TMEM19: variants seen among roughly 807,000 people sequenced by gnomAD.
The protein encoded by TMEM19 is transmembrane protein 19.
TMEM19 carries 21 observed loss-of-function variants against 33.6 expected under a neutral mutation model. The ratio of observed to expected loss-of-function variants is 0.62; its 90% CI spans 0.44 to 0.90. The LOEUF is 0.90. Ranked by LOEUF, TMEM19 falls within the 40% of genes least tolerant of loss-of-function variation. The probability of loss-of-function intolerance (pLI) is 0.00; values close to 1 mark genes in which losing one functional copy is unlikely to be tolerated. For synonymous variants in TMEM19, 149 were observed against 147.5 expected (o/e 1.01, Z -0.07); for missense variants, 402 against 401.8 (o/e 1.00, Z 0.00).
rs370264184 is a variant in TMEM19, at chr12:71,696,397, A to G, written c.245-39A>G. ...TCTTTTTTCACAGCATTGATGTATG[A>G]ATTGAATATAATTCTGTGTTTATAT... On this transcript the variant is annotated intron_variant, in intron 2 of 5. Transcript: ENST00000266673. 5.4e-6 allele frequency: 8 copies of G among 1,479,686 alleles called. No individual in the cohort carries two copies. The African/African-American group carries it at 9.9e-5, about 18-fold the overall frequency. The allele number at this position is 1,479,686 out of a possible 1,614,324, so 91.7% of individuals were successfully genotyped here. A position where few individuals can be genotyped will look rare whatever the true frequency, so the allele number is the denominator to read the frequency against.
chr12:71,694,886 C>T (rs527545588), intron 2 of TMEM19, among the ~76,000 whole-genome samples: 1 of 152,290 alleles, frequency 6.6e-6, no homozygotes, highest in African/African-American at 2.4e-5. Context: ...ACCCAGGTCA[C>T]CCTGGTTGGA....
chr12:71,689,218 A>C (rs1881742935), intron 1 of TMEM19, among the ~76,000 whole-genome samples: 1 of 152,190 alleles, frequency 6.6e-6, no homozygotes. Flanking sequence ...TTTTTACTCT[A>C]CTTTTTCTAT....
At chr12:71,691,937 C>T (rs1314473398) in intron 2 of TMEM19, among the ~76,000 whole-genome samples, 1 of 152,176 alleles carries the variant, frequency 6.6e-6, no homozygotes, top group African/African-American at 2.4e-5. Flanking sequence ...CCTTGGACAT[C>T]TGCTCCTCTC....
Position 71,701,194 on chromosome 12 carries a change from C to A in TMEM19, c.*199C>A. On this transcript the variant is annotated 3_prime_UTR_variant, in exon 6 of 6. Transcript: ENST00000266673. The stretch of plus-strand genomic sequence containing the variant: ...GTCTTTCTAGTGAAAGAGAAGAATT[C>A]CTAGAACTTATGCATTTTTTTCCTG... 2.2e-6 allele frequency: 1 copy of A among 460,810 alleles called. No homozygotes were observed. Among genetic ancestry groups the A allele is most frequent in the Non-Finnish European group, 3.7e-6 (1 of 272,418 alleles). 28.5% of individuals were successfully genotyped at this position (460,810 alleles called of 1,614,324 possible).
intron 4 of TMEM19, among the ~76,000 whole-genome samples, chr12:71,697,984 T>C (rs1449417919): frequency 1.3e-5 from 2 of 152,212 alleles, no homozygotes; most frequent in Non-Finnish European, 2.9e-5. Context: ...GACATGATGC[T>C]CACAGGAAAT....
At chr12:71,695,280 A>G (rs1327286044) in intron 2 of TMEM19, among the ~76,000 whole-genome samples, 1 of 152,192 alleles carries the variant, frequency 6.6e-6, no homozygotes, top group Non-Finnish European at 1.5e-5. Context: ...TAATTGCTTC[A>G]TGTGGTATTT....
In TMEM19 at chr12:71,689,595, C is replaced by T; in HGVS notation, c.135C>T (p.Asn45=). 6.2e-7 allele frequency: 1 copy of T among 1,613,902 alleles called. No individual in the cohort carries two copies. The highest frequency in any genetic ancestry group is 1.3e-5 in the African/African-American group (1 of 75,038). ...ISMTASTYYG[N]LRPISPWRWL... ...TCCACCTTTATAATTTTTCAGGTAA[C>T]TTACGACCTATTTCTCCGTGGCGTT... The change falls in exon 2 of 6, where the codon AAC becomes AAT. Residue 45 remains asparagine, a synonymous_variant. Transcript: ENST00000266673.
At chr12:71,689,431 A>G (rs750631386) in intron 1 of TMEM19, among the ~76,000 whole-genome samples, 160 bp from the exon 2 acceptor site, 3 of 152,140 alleles carry the variant, frequency 2.0e-5, no homozygotes, top group Non-Finnish European at 4.4e-5. Context: ...ACATATCCCT[A>G]TCTTTAAGTG....
At chr12:71,699,147 G>A in intron 5 of TMEM19, 38 bp downstream of exon 5, 1 of 1,604,004 alleles carries the variant, frequency 6.2e-7, no homozygotes, top group Non-Finnish European at 8.5e-7. Context: ...TTATTGGTAT[G>A]TTAAAGAAAT....
intron 3 of TMEM19, among the ~76,000 whole-genome samples, 160 bp downstream of exon 3, chr12:71,696,733 G>A (rs1191830629): frequency 1.3e-5 from 2 of 150,890 alleles, no homozygotes; most frequent in African/African-American, 4.9e-5. Flanking sequence ...TGTAAGCTCC[G>A]CCTCCCGGGT....
intron 5 of TMEM19, chr12:71,699,992 A>G (rs1352704653): frequency 2.0e-5 from 3 of 152,232 alleles, no homozygotes; most frequent in East Asian, 1.9e-4. Context: ...CTCATCAACC[A>G]TGTTTCTCCT....
At position 71,686,299 on chromosome 12, in the gene TMEM19, G is replaced by A; in HGVS notation, c.-382G>A. On this transcript the variant is annotated 5_prime_UTR_variant, in exon 1 of 6. Coordinates refer to ENST00000266673, the MANE Select transcript of TMEM19 (RefSeq NM_018279.4). ...CAGCCGCTGGCCTACCCGGCCCGCGGGTGAGAAGGTTGCGACGGGAGGTGG... is the reference window on the plus strand; with the variant it reads ...CAGCCGCTGGCCTACCCGGCCCGCGAGTGAGAAGGTTGCGACGGGAGGTGG... 4.0e-6 allele frequency: 1 copy of A among 248,936 alleles called. No homozygotes were observed. Among genetic ancestry groups the A allele is most frequent in the Non-Finnish European group, 7.8e-6 (1 of 127,822 alleles). 15.4% of individuals were successfully genotyped at this position (248,936 alleles called of 1,614,324 possible). A position where few individuals can be genotyped will look rare whatever the true frequency, so the allele number is the denominator to read the frequency against.
At chr12:71,690,935 G>T (rs1399976438) in intron 2 of TMEM19, among the ~76,000 whole-genome samples, 1 of 152,130 alleles carries the variant, frequency 6.6e-6, no homozygotes, top group Non-Finnish European at 1.5e-5. Context: ...GTGGTCCTAT[G>T]GTTTTGTCAA....
chr12:71,692,394 C>A (rs1171075543), intron 2 of TMEM19, among the ~76,000 whole-genome samples: 1 of 152,160 alleles, frequency 6.6e-6, no homozygotes, highest in African/African-American at 2.4e-5. Context: ...ACAATGAAAA[C>A]TGCAGAAAAC....
intron 2 of TMEM19, among the ~76,000 whole-genome samples, chr12:71,696,188 ATAT>A (rs755803978): frequency 1.3e-5 from 2 of 152,176 alleles, no homozygotes; most frequent in Non-Finnish European, 1.5e-5. Flanking sequence ...AATTTTAAAA[ATAT>A]TATCTAAAAT....
chr12:71,704,501 A>G lies in TMEM19; in HGVS notation c.*3506A>G, dbSNP rs1263919449. Reference sequence around the variant, plus strand: ...TCCCAGTGCTATCACAATGAGAATGATCTATACTAGCCACCAGATCTCAGG... The same window carrying G: ...TCCCAGTGCTATCACAATGAGAATGGTCTATACTAGCCACCAGATCTCAGG... On this transcript the variant is annotated 3_prime_UTR_variant, in exon 6 of 6. Coordinates refer to ENST00000266673, the MANE Select transcript of TMEM19 (RefSeq NM_018279.4). 1 of 152,480 alleles carries G rather than the reference A, an allele frequency of 6.6e-6. No homozygotes were observed. The highest frequency in any genetic ancestry group is 2.4e-5 in the African/African-American group (1 of 41,452). The allele number at this position is 152,480 out of a possible 1,614,324, so 9.4% of individuals were successfully genotyped here.
intron 2 of TMEM19, 98 bp downstream of exon 2, chr12:71,689,802 C>A: frequency 1.3e-6 from 1 of 786,174 alleles, no homozygotes; most frequent in South Asian, 1.9e-5. Context: ...AGACTGACTA[C>A]AAATCACAGT....
At position 71,700,855 on chromosome 12, in the gene TMEM19, G is replaced by A. The variant is rs771729947; in HGVS notation, c.871G>A (p.Val291Met). ...YTGLDESTGM[V>M]VNSPTNKARH... ...AGGGTTGGATGAAAGCACTGGCATG[G>A]TGGTCAACAGCCCAACAAATAAGGC... The change falls in exon 6 of 6, where the codon GTG (valine) becomes ATG (methionine). Residue 291 changes from valine (V) to methionine (M), a missense_variant. Transcript: ENST00000266673. The A allele has an allele frequency of 1.2e-5, 20 of 1,608,766 alleles. No individual in the cohort carries two copies. Among genetic ancestry groups the A allele is most frequent in the Non-Finnish European group, 1.6e-5 (19 of 1,177,254 alleles).
intron 5 of TMEM19, chr12:71,699,440 C>T: frequency 2.2e-6 from 1 of 453,160 alleles, no homozygotes; most frequent in Non-Finnish European, 3.9e-6. Flanking sequence ...TCCTTCCATT[C>T]ATTTTCCTAT....
Sources: allele counts gnomAD v4.1 joint callset (sites outside exome capture counted in the v4.1 genomes callset), GRCh38; gene constraint gnomAD v4.1.1; transcripts MANE v1.5; gene names NCBI Gene and HGNC (gene_info 2026-07-23, HGNC 2026-07-21).